The following YWHAE variants were observed in gnomAD, a reference collection of about 807,000 sequenced individuals.
The protein encoded by YWHAE is tyrosine 3-monooxygenase/tryptophan 5-monooxygenase activation protein epsilon, also known as 14-3-3 protein epsilon.
YWHAE carries 4 observed loss-of-function variants against 30.1 expected under a neutral mutation model. That is an observed-to-expected ratio of 0.13 (90% CI 0.07 to 0.30). The LOEUF is 0.30. YWHAE is among the 10% of genes least tolerant of loss of function. The pLI, the probability that YWHAE is intolerant of heterozygous loss-of-function variation, is 1.00. For missense variants in YWHAE, 121 were observed against 315.9 expected, an observed-to-expected ratio of 0.38 and a Z score of 4.68; for synonymous variants, 118 against 111.8, an observed-to-expected ratio of 1.06 and a Z score of -0.35.
At chr17:1,396,904 G>T (rs887343349) in intron 1 of YWHAE, among the ~76,000 whole-genome samples, 1 of 150,886 alleles carries the variant, frequency 6.6e-6, no homozygotes. Flanking sequence ...TTACAGGCAT[G>T]AGCCACCGCA....
At position 1,345,419 on chromosome 17, in the gene YWHAE, G is replaced by C. The variant is rs71357188; in HGVS notation, c.*28C>G. 6.8e-6 allele frequency: 11 copies of C among 1,613,452 alleles called. No individual in the cohort carries two copies. In the South Asian group the frequency reaches 7.7e-5, roughly 11 times the overall value. On this transcript the variant is annotated 3_prime_UTR_variant, in exon 6 of 6. Coordinates refer to ENST00000264335, the MANE Select transcript of YWHAE (RefSeq NM_006761.5). Reference sequence around the variant, plus strand: ...TGGGATGGGGAGGAGGGGGTGGTCAGAGATGGTTTCTCTTGTTGGCTTATG... The same window carrying C: ...TGGGATGGGGAGGAGGGGGTGGTCACAGATGGTTTCTCTTGTTGGCTTATG...
chr17:1,379,725 G>A (rs181793107), intron 1 of YWHAE, among the ~76,000 whole-genome samples: 24 of 152,286 alleles, frequency 1.6e-4, no homozygotes, highest in Middle Eastern at 3.4e-3. Flanking sequence ...AGCGTGTTAC[G>A]ATGAGTTATG....
chr17:1,357,345 G>A (rs1256520683), intron 4 of YWHAE, among the ~76,000 whole-genome samples: 7 of 148,726 alleles, frequency 4.7e-5, no homozygotes, highest in African/African-American at 1.7e-4. Context: ...AGAGCTTGCA[G>A]TGAGCCGAGA....
intron 1 of YWHAE, among the ~76,000 whole-genome samples, chr17:1,373,292 T>C (rs12936636): frequency 0.037 from 5,643 of 152,108 alleles, 120 homozygotes; most frequent in East Asian, 0.052. Context: ...TTAATTTCCC[T>C]CAGTTCACGG....
intron 1 of YWHAE, among the ~76,000 whole-genome samples, chr17:1,379,006 A>G (rs549521431): frequency 1.3e-5 from 2 of 152,326 alleles, no homozygotes; most frequent in East Asian, 3.9e-4. Context: ...AAACATTCTC[A>G]GATGGCTAAC....
intron 4 of YWHAE, among the ~76,000 whole-genome samples, chr17:1,356,662 G>A (rs1340811105): frequency 6.6e-6 from 1 of 152,068 alleles, no homozygotes; most frequent in Non-Finnish European, 1.5e-5. Context: ...TAGCCATTTA[G>A]AATGTTTTTA....
chr17:1,355,946 A>G (rs2072733256), intron 4 of YWHAE, among the ~76,000 whole-genome samples: 1 of 152,150 alleles, frequency 6.6e-6, no homozygotes, highest in Non-Finnish European at 1.5e-5. Context: ...AAGCGGGCGG[A>G]TCACGTGGTT....
rs1491388353 is a variant in YWHAE, at chr17:1,361,316, TTA to T, written c.372-20_372-19del. The T allele has an allele frequency of 1.6e-5, 22 of 1,404,774 alleles. No individual in the cohort carries two copies. Among genetic ancestry groups the T allele is most frequent in the Admixed American group, 9.3e-5 (3 of 32,306 alleles). The allele number at this position is 1,404,774 out of a possible 1,614,324, so 87.0% of individuals were successfully genotyped here. A position where few individuals can be genotyped will look rare whatever the true frequency, so the allele number is the denominator to read the frequency against. On this transcript the variant is annotated intron_variant, in intron 3 of 5. Transcript: ENST00000264335. ...CCCCTTTCCTAAAACAAAACCAAAA[TTA>T]AAAAAAAAAAAAAAATTTAAACTAG...
intron 1 of YWHAE, among the ~76,000 whole-genome samples, chr17:1,370,816 G>A (rs2073030389): frequency 1.3e-5 from 2 of 151,834 alleles, no homozygotes; most frequent in African/African-American, 4.8e-5. Flanking sequence ...CTAACAAGGT[G>A]AAAACCTCGT....
chr17:1,350,389 G>C (rs2072608907), intron 5 of YWHAE, among the ~76,000 whole-genome samples: 1 of 152,098 alleles, frequency 6.6e-6, no homozygotes, highest in Non-Finnish European at 1.5e-5. Flanking sequence ...GTGATAATGA[G>C]CTACAGAAGT....
chr17:1,390,138 C>A (rs2073368220), intron 1 of YWHAE, among the ~76,000 whole-genome samples: 1 of 152,164 alleles, frequency 6.6e-6, no homozygotes, highest in East Asian at 1.9e-4. Context: ...GCCACTGCAC[C>A]CAGCCTACAT....
intron 4 of YWHAE, among the ~76,000 whole-genome samples, chr17:1,355,111 T>TAC (rs1269198463): frequency 1.0e-4 from 1 of 9,760 alleles, no homozygotes; most frequent in Non-Finnish European, 1.5e-4. Flanking sequence ...ACCCCCAAGA[T>TAC]TTTTTAAAAA....
intron 2 of YWHAE, among the ~76,000 whole-genome samples, chr17:1,362,635 C>G (rs1431571936): frequency 6.6e-6 from 1 of 152,008 alleles, no homozygotes; most frequent in African/African-American, 2.4e-5. Context: ...ATGCTGAACA[C>G]GCACACCACC....
At chr17:1,396,111 C>T (rs532316545) in intron 1 of YWHAE, among the ~76,000 whole-genome samples, 13 of 151,538 alleles carry the variant, frequency 8.6e-5, no homozygotes, top group African/African-American at 3.1e-4. Context: ...AAGAGCAAGA[C>T]TCCGTCTCAA....
chr17:1,357,413 A>AC, intron 4 of YWHAE, among the ~76,000 whole-genome samples: 1 of 142,010 alleles, frequency 7.0e-6, no homozygotes, highest in Non-Finnish European at 1.5e-5. Flanking sequence ...AAAAAAAAAA[A>AC]AAAAAAAATA....
intron 1 of YWHAE, among the ~76,000 whole-genome samples, chr17:1,381,768 T>C (rs2073211296): frequency 6.6e-6 from 1 of 151,416 alleles, no homozygotes; most frequent in East Asian, 1.9e-4. Flanking sequence ...AATACAAAAA[T>C]TGGCCAGGCC....
chr17:1,376,218 T>C (rs185884542), intron 1 of YWHAE, among the ~76,000 whole-genome samples: 62 of 152,204 alleles, frequency 4.1e-4, no homozygotes, highest in African/African-American at 1.0e-3. Context: ...TCTGTGACAA[T>C]AGAGGGGAAA....
intron 4 of YWHAE, among the ~76,000 whole-genome samples, chr17:1,357,397 C>T (rs1163247598): frequency 3.5e-5 from 3 of 86,718 alleles, no homozygotes; most frequent in Admixed American, 1.4e-4. Flanking sequence ...AGCGAGACTC[C>T]GTCTCAAAAA....
intron 5 of YWHAE, among the ~76,000 whole-genome samples, chr17:1,350,154 G>C (rs553475321): frequency 5.3e-5 from 8 of 151,838 alleles, no homozygotes; most frequent in Non-Finnish European, 8.8e-5. Flanking sequence ...GTTTCTCCAT[G>C]TTGGTCAGGC....
Sources: gnomAD v4.1 joint callset for allele counts (sites outside exome capture counted in the v4.1 genomes callset) on GRCh38, gnomAD v4.1.1 for gene constraint, MANE v1.5 for transcripts, NCBI Gene and HGNC (gene_info 2026-07-23, HGNC 2026-07-21) for gene names.